IQCN: variants seen among roughly 807,000 people sequenced by gnomAD.
IQCN encodes IQ motif containing N.
Under a neutral mutation model 64.4 loss-of-function variants are expected in IQCN, and 46 were observed. The observed-to-expected ratio is 0.71, with a 90% confidence interval of 0.56 to 0.91. The LOEUF is 0.91. Among genes scored for constraint, IQCN ranks in the 40% least tolerant of loss-of-function variants. IQCN has a pLI of 0.00. For synonymous variants in IQCN, 733 were observed against 775.6 expected, an observed-to-expected ratio of 0.95 and a Z score of 0.91; for missense variants, 1,753 against 1,857.4, an observed-to-expected ratio of 0.94 and a Z score of 1.03.
At position 18,269,509 on chromosome 19, in the gene IQCN, G is replaced by A. The variant is rs371021725; in HGVS notation, c.-31C>T. On this transcript the variant is annotated 5_prime_UTR_variant, in exon 2 of 4. Transcript: ENST00000392413. ...TGGAGGAGTAGCAGGAGAAGAAGGT[G>A]CAATCTCAGAAGCCAGCCTGCAAGA... The A allele has an allele frequency of 3.3e-5, 54 of 1,613,352 alleles. No individual in the cohort carries two copies. Among genetic ancestry groups the A allele is most frequent in the Non-Finnish European group, 4.5e-5 (53 of 1,179,718 alleles).
intron 3 of IQCN, chr19:18,260,921 G>A (rs1389079777): frequency 1.3e-5 from 2 of 152,798 alleles, no homozygotes; most frequent in African/African-American, 4.8e-5. Context: ...ATACACCACA[G>A]GCCATAGGTT....
intron 1 of IQCN, among the ~76,000 whole-genome samples, chr19:18,271,526 T>A (rs1969736006): frequency 6.7e-6 from 1 of 148,160 alleles, no homozygotes; most frequent in Non-Finnish European, 1.5e-5. Context: ...GCTGAGGGAG[T>A]ATCCCCAAAA....
intron 3 of IQCN, among the ~76,000 whole-genome samples, chr19:18,263,724 C>A (rs1969480750): frequency 6.6e-6 from 1 of 152,090 alleles, no homozygotes; most frequent in African/African-American, 2.4e-5. Context: ...TTGGTAGAGA[C>A]CACGATGTAC....
At position 18,257,460 on chromosome 19, in the gene IQCN, G is replaced by A. The variant is rs1053726901; in HGVS notation, c.3824C>T (p.Thr1275Ile). Reference sequence around the variant, plus strand: ...CCAAGACACTGCCCCGGGGCCCTCAGTGCCCTGGCCCATGCCCTGCACCAC... The same window carrying A: ...CCAAGACACTGCCCCGGGGCCCTCAATGCCCTGGCCCATGCCCTGCACCAC... The part of the protein sequence containing the change: ...TRVVQGMGQG[T>I]EGPGAVSWAS... The change falls in exon 4 of 4, where the codon ACT becomes ATT. Residue 1275 changes from threonine to isoleucine, a missense_variant. Thr to Ile is a moderately conservative substitution (Grantham distance 89). Transcript: ENST00000392413. 1 of 1,607,940 alleles carries A rather than the reference G, an allele frequency of 6.2e-7. No homozygotes were observed. The highest frequency in any genetic ancestry group is 1.3e-5 in the African/African-American group (1 of 74,896).
At position 18,265,527 on chromosome 19, in the gene IQCN, G is replaced by C. The variant is rs971735472; in HGVS notation, c.2013C>G (p.Ser671=). ...GGGACAGGCAGGGTGGATGTCTCTG[G>C]GATGAGGCATTGGTCAGTGGGGCAG... ...QLAAPLTNAS[S]QRHPPCLSQR... Residue 671 remains serine (S), a synonymous_variant, in exon 3 of 4, where the codon TCC becomes TCG. Coordinates refer to ENST00000392413, the MANE Select transcript of IQCN (RefSeq NM_001145304.2). The surrounding 1 kb of genome is among the most constrained non-coding windows in gnomAD (Gnocchi z 4.7). 1 of 1,612,430 alleles carries C rather than the reference G, an allele frequency of 6.2e-7. No individual in the cohort carries two copies. The highest frequency in any genetic ancestry group is 1.3e-5 in the African/African-American group (1 of 74,892).
In IQCN at chr19:18,257,884, G is replaced by A. The variant is rs202121427; in HGVS notation, c.3400C>T (p.Arg1134Trp). Residue 1134 changes from arginine (R) to tryptophan (W), a missense_variant, in exon 4 of 4, where the codon CGG becomes TGG. By Grantham distance (101) the Arg-to-Trp change is moderately radical (BLOSUM62 -3). Coordinates refer to ENST00000392413, the MANE Select transcript of IQCN (RefSeq NM_001145304.2). ...ACCATGGCCCCCCGGTGCCACAGCC[G>A]GATCCTGCGACGCGCCAGGTAGCCA... The part of the protein sequence containing the change: ...VRGYLARRRI[R>W]LWHRGAMVIQ... 1.8e-5 allele frequency: 29 copies of A among 1,612,378 alleles called. 1 individual carries two copies. The highest frequency in any genetic ancestry group is 4.4e-5 in the South Asian group (4 of 91,084).
intron 2 of IQCN, among the ~76,000 whole-genome samples, chr19:18,269,156 C>CACGGGAGGGAGG (rs1969678059): frequency 6.7e-6 from 1 of 148,938 alleles, no homozygotes; most frequent in Admixed American, 6.7e-5. Context: ...AGGAAGGAAG[C>CACGGGAGGGAGG]AAGGGAGGGA....
rs775949156 is a variant in IQCN at position 18,266,842 on chromosome 19, C to T, written c.698G>A (p.Arg233Gln). The T allele has an allele frequency of 2.1e-5, 34 of 1,613,846 alleles. No homozygotes were observed. The highest frequency in any genetic ancestry group is 1.7e-4 in the African/African-American group (13 of 74,920). ...CTGGTGTGGCAGGAAGGCCAGCCCCCGGACTCTGGCAGCATGAGGACCCTG... is the reference window on the plus strand; with the variant it reads ...CTGGTGTGGCAGGAAGGCCAGCCCCTGGACTCTGGCAGCATGAGGACCCTG... ...CVQGPHAARVRGLAFLPHQTV... is the reference protein window; with the variant it reads ...CVQGPHAARVQGLAFLPHQTV... Residue 233 changes from arginine (R) to glutamine (Q), a missense_variant, in exon 3 of 4, where the codon CGG (arginine) becomes CAG (glutamine). Physicochemically the swap from Arg to Gln is conservative, Grantham distance 43 (BLOSUM62 1). Coordinates refer to ENST00000392413, the MANE Select transcript of IQCN (RefSeq NM_001145304.2). This position sits in a 1 kb window ranked among gnomAD's most constrained non-coding sequence, Gnocchi z 4.3.
At chr19:18,272,613 C>CTT (rs56180429) in intron 1 of IQCN, among the ~76,000 whole-genome samples, 6,825 of 142,714 alleles carry the variant, frequency 0.048, 561 homozygotes, top group African/African-American at 0.17. Flanking sequence ...ATTGTGCTCA[C>CTT]TTTTTTTTTT....
chr19:18,264,450 C>A lies in IQCN; in HGVS notation c.3090G>T (p.Thr1030=), dbSNP rs1465938410. 1 of 1,550,902 alleles carries A rather than the reference C, an allele frequency of 6.4e-7. No homozygotes were observed. ...TGCAGGCCACCTTCACCAGGGCCGG[C>A]GTCTTAGTCACCCCGCTTCCTGTTG... The part of the protein sequence containing the change: ...SKSTGSGVTK[T]PALVKVACRR... The change falls in exon 3 of 4, where the codon ACG becomes ACT. Residue 1030 remains threonine, a synonymous_variant. Transcript: ENST00000392413. This position sits in a 1 kb window ranked among gnomAD's most constrained non-coding sequence, Gnocchi z 4.3.
In IQCN at chr19:18,266,149, G is replaced by A. The variant is rs767981701; in HGVS notation, c.1391C>T (p.Ala464Val). 1.9e-6 allele frequency: 3 copies of A among 1,614,124 alleles called. No homozygotes were observed. The Admixed American group carries it at 5.0e-5, about 27-fold the overall frequency. The change falls in exon 3 of 4, where the codon GCC becomes GTC. Residue 464 changes from alanine to valine, a missense_variant. Transcript: ENST00000392413. This position sits in a 1 kb window ranked among gnomAD's most constrained non-coding sequence, Gnocchi z 4.3. Reference protein sequence around the residue: ...PPQMHPVTTPAKNPLQTCLSA... With the variant: ...PPQMHPVTTPVKNPLQTCLSA... ...CAGACATGTTTGCAATGGGTTTTTG[G>A]CTGGGGTGGTGACCGGGTGCATCTG...
Position 18,264,300 on chromosome 19 carries a change from C to T in IQCN, c.3177+63G>A. ...GGCCCCATCAATCCCCCATCTCCTC[C>T]AAGGGCCCGGCAGGTTGGCCCATGG... On this transcript the variant is annotated intron_variant, in intron 3 of 3. Transcript: ENST00000392413. The surrounding 1 kb of genome is among the most constrained non-coding windows in gnomAD (Gnocchi z 4.3). 1 of 1,374,904 alleles carries T rather than the reference C, an allele frequency of 7.3e-7. No homozygotes were observed. Among genetic ancestry groups the T allele is most frequent in the Non-Finnish European group, 9.6e-7 (1 of 1,043,188 alleles). The allele number at this position is 1,374,904 out of a possible 1,614,324, so 85.2% of individuals were successfully genotyped here.
Position 18,266,073 on chromosome 19 carries a change from G to C in IQCN, c.1467C>G (p.Thr489=), listed in dbSNP as rs942420563. 11 of 1,614,064 alleles carry C rather than the reference G, an allele frequency of 6.8e-6. No individual in the cohort carries two copies. The South Asian group carries it at 1.1e-4, about 16-fold the overall frequency. The stretch of plus-strand genomic sequence containing the variant: ...GCAGGCGGGTCTGGGGTGAGGGCTT[G>C]GTCACCCCAACTGGGCTCCTCTGGG... ...TSSQRSPVGV[T]KPSPQTRLPA... Residue 489 remains threonine, a synonymous_variant, in exon 3 of 4, where the codon ACC becomes ACG. Transcript: ENST00000392413. The surrounding 1 kb of genome is among the most constrained non-coding windows in gnomAD (Gnocchi z 4.3).
chr19:18,273,861 C>A (rs1429452816), intron 1 of IQCN, among the ~76,000 whole-genome samples: 2 of 152,098 alleles, frequency 1.3e-5, no homozygotes, highest in Non-Finnish European at 2.9e-5. Flanking sequence ...GAACAGGGGC[C>A]CCCTGGACAC....
At position 18,265,262 on chromosome 19, in the gene IQCN, G is replaced by A; in HGVS notation, c.2278C>T (p.His760Tyr). The change falls in exon 3 of 4, where the codon CAC (histidine) becomes TAC (tyrosine). Residue 760 changes from histidine (H) to tyrosine (Y), a missense_variant. Transcript: ENST00000392413. The surrounding 1 kb of genome is among the most constrained non-coding windows in gnomAD (Gnocchi z 4.7). ...TTGCTGCTGAGATCAGCAGCCTGGT[G>A]CGCTGGGATGAGGCACGTGGTTATG... Reference protein sequence around the residue: ...TDITTCLIPAHQAADLSSNTH... With the variant: ...TDITTCLIPAYQAADLSSNTH... 6.2e-7 allele frequency: 1 copy of A among 1,613,820 alleles called. No homozygotes were observed. The highest frequency in any genetic ancestry group is 8.5e-7 in the Non-Finnish European group (1 of 1,179,948).
chr19:18,257,601 G>A lies in IQCN; in HGVS notation c.3683C>T (p.Ala1228Val). 1.2e-6 allele frequency: 2 copies of A among 1,612,790 alleles called. No homozygotes were observed. The highest frequency in any genetic ancestry group is 1.1e-5 in the South Asian group (1 of 91,072). The change falls in exon 4 of 4, where the codon GCT (alanine) becomes GTT (valine). Residue 1228 changes from alanine (A) to valine (V), a missense_variant. Ala to Val is a moderately conservative substitution (Grantham distance 64). Transcript: ENST00000392413. ...GCTCAGGGAGTGGCAGACGCTGCAA[G>A]CGTGTGCCTGGCAGGACTGGAAGCA... Reference protein sequence around the residue: ...HRCFQSCQAHACSVCHSLSSR... With the variant: ...HRCFQSCQAHVCSVCHSLSSR...
At chr19:18,268,981 A>AAAG (rs1555700823) in intron 2 of IQCN, among the ~76,000 whole-genome samples, 2,754 of 147,522 alleles carry the variant, frequency 0.019, 33 homozygotes, top group African/African-American at 0.034. Flanking sequence ...AAAAAAAAAA[A>AAAG]GAGCCAGGTA....
chr19:18,263,512 C>T lies in IQCN; in HGVS notation c.3177+851G>A, dbSNP rs751292092. 5.9e-5 allele frequency among the ~76,000 whole-genome samples: 9 copies of T among 152,152 alleles called. No individual in the cohort carries two copies. The East Asian group carries it at 7.7e-4, about 13-fold the overall frequency. On this transcript the variant is annotated intron_variant, in intron 3 of 3. Coordinates refer to ENST00000392413, the MANE Select transcript of IQCN (RefSeq NM_001145304.2). Reference sequence around the variant, plus strand: ...GGACGAACTTGAGCCAATGCACTGCCGGGGGAAGCTTGAAACAGACCATGA... The same window carrying T: ...GGACGAACTTGAGCCAATGCACTGCTGGGGGAAGCTTGAAACAGACCATGA...
In IQCN at chr19:18,257,384, C is replaced by T. The variant is rs542087887; in HGVS notation, c.3900G>A (p.Gln1300=). ...ACTGGATGGCTGTGGCCGCTTTGTC[C>T]TGGCGATGCGGCTGCCTGGGACTCA... ...AALSPRQPHR[Q]DKAATAIQSA... is the part of the protein sequence containing the mutation. The change falls in exon 4 of 4, where the codon CAG becomes CAA. Residue 1300 remains glutamine, a synonymous_variant. Transcript: ENST00000392413. 41 of 1,611,552 alleles carry T rather than the reference C, an allele frequency of 2.5e-5. No individual in the cohort carries two copies. The South Asian group carries it at 3.7e-4, about 15-fold the overall frequency.
Sources: gnomAD v4.1 joint callset for allele counts (sites outside exome capture counted in the v4.1 genomes callset) on GRCh38, gnomAD v4.1.1 for gene constraint, Gnocchi (gnomAD v3.1) non-coding constraint, MANE v1.5 for transcripts, NCBI Gene and HGNC (gene_info 2026-07-23, HGNC 2026-07-21) for gene names.